Variants in TRIOBP observed in about 807,000 individuals in gnomAD.
TRIOBP encodes the protein TRIO and F-actin-binding protein.
In TRIOBP, 169 loss-of-function variants were observed where a neutral mutation model predicts 238.8. The ratio of observed to expected loss-of-function variants is 0.71; its 90% confidence interval spans 0.62 to 0.80. The LOEUF (loss-of-function observed/expected upper bound fraction) is 0.80, where lower values mean the gene tolerates loss of function less well. TRIOBP is among the 30% of genes least tolerant of loss of function. The pLI is 0.00. For missense variants in TRIOBP, 2,838 were observed against 3,122.6 expected, an observed-to-expected ratio of 0.91 and a Z score of 2.17; for synonymous variants, 1,150 against 1,274.4, an observed-to-expected ratio of 0.90 and a Z score of 2.08.
chr22:37,722,312 C>G (rs945352773), intron 6 of TRIOBP, among the ~76,000 whole-genome samples: 2 of 151,754 alleles, frequency 1.3e-5, no homozygotes, highest in Non-Finnish European at 2.9e-5. Flanking sequence ...CCTGTAATCC[C>G]AACTACTTGG....
At chr22:37,699,073 G>A (rs960921468) in intron 2 of TRIOBP, among the ~76,000 whole-genome samples, 7 of 151,940 alleles carry the variant, frequency 4.6e-5, no homozygotes, top group South Asian at 2.1e-4. Flanking sequence ...CCCAGGAGGC[G>A]GAGGTTGCAG....
At chr22:37,763,686 C>T (rs1170221938) in intron 17 of TRIOBP, among the ~76,000 whole-genome samples, 3 of 152,334 alleles carry the variant, frequency 2.0e-5, no homozygotes, top group East Asian at 1.9e-4. Flanking sequence ...AACACCCTCA[C>T]ACTCCTTCTG....
rs562026150 is a variant in TRIOBP, at chr22:37,771,605, G to A, written c.6850-45G>A. The A allele has an allele frequency of 4.5e-6, 7 of 1,567,862 alleles. No homozygotes were observed. In the South Asian group the frequency reaches 7.8e-5, roughly 17 times the overall value. On this transcript the variant is annotated intron_variant, in intron 21 of 23. Transcript: ENST00000644935. ...CTGCAGGGCACTATGGGCCAGGGTAGCTCTGGCTTCTGGCCCTGGGTCAGT... is the reference window on the plus strand; with the variant it reads ...CTGCAGGGCACTATGGGCCAGGGTAACTCTGGCTTCTGGCCCTGGGTCAGT...
At position 37,713,368 on chromosome 22, in the gene TRIOBP, C is replaced by A. The variant is rs914842730; in HGVS notation, c.413C>A (p.Pro138His). 1 of 1,613,896 alleles carries A rather than the reference C, an allele frequency of 6.2e-7. No individual in the cohort carries two copies. Residue 138 changes from proline to histidine, a missense_variant, in exon 5 of 24, where the codon CCT becomes CAT. By Grantham distance (77) the Pro-to-His change is moderately conservative (BLOSUM62 -2). Transcript: ENST00000644935. The stretch of plus-strand genomic sequence containing the variant: ...CCCGGCTCTGACCCCACCTCCAGCC[C>A]TGACTCCGCCACCCCTGATGATACC... ...EDPGSDPTSS[P>H]DSATPDDTSN...
chr22:37,715,711 C>T, intron 5 of TRIOBP, 52 bp from the exon 6 acceptor site: 1 of 1,590,012 alleles, frequency 6.3e-7, no homozygotes, highest in East Asian at 2.2e-5. Context: ...AGTATATGTC[C>T]TGCAGCCTTT....
intron 11 of TRIOBP, among the ~76,000 whole-genome samples, chr22:37,742,737 G>A (rs1177032747): frequency 2.6e-5 from 4 of 152,178 alleles, no homozygotes; most frequent in Non-Finnish European, 2.9e-5. Flanking sequence ...TTGGTAGAGC[G>A]AAGGAGGAGC....
chr22:37,753,380 T>C (rs1049042069), intron 12 of TRIOBP, among the ~76,000 whole-genome samples: 3 of 152,210 alleles, frequency 2.0e-5, no homozygotes, highest in African/African-American at 4.8e-5. Flanking sequence ...GTTCAAGCGA[T>C]TCTCCTGCCT....
chr22:37,767,358 G>A (rs1332837041), intron 18 of TRIOBP, among the ~76,000 whole-genome samples: 4 of 151,922 alleles, frequency 2.6e-5, no homozygotes, highest in South Asian at 2.1e-4. Flanking sequence ...CAGAAGTTTC[G>A]GATTTTAGAA....
In TRIOBP at chr22:37,728,261, CAAAAAAAA is replaced by C. The variant is rs67412135; in HGVS notation, c.3947+1774_3947+1781del. On this transcript the variant is annotated intron_variant, in intron 7 of 23. Coordinates refer to ENST00000644935, the MANE Select transcript of TRIOBP (RefSeq NM_001039141.3). ...TGGGTGACAGAGTGAGACTCCGTCT[CAAAAAAAA>C]AAAAAAAAAAAAAAATTAGCCGGGC... is the stretch of plus-strand genomic sequence containing the variant. 3.3e-4 allele frequency among the ~76,000 whole-genome samples: 26 copies of C among 77,986 alleles called. 2 individuals are homozygous for C. In the East Asian group the frequency reaches 9.8e-3, roughly 29 times the overall value. The allele number at this position is 77,986 out of a possible 152,430, so 51.2% of individuals were successfully genotyped here.
At chr22:37,732,244 C>T (rs865858594) in intron 7 of TRIOBP, among the ~76,000 whole-genome samples, 1 of 150,596 alleles carries the variant, frequency 6.6e-6, no homozygotes, top group Non-Finnish European at 1.5e-5. Context: ...AGCCATGCCT[C>T]CCAGTTAGTA....
At chr22:37,751,420 GCT>G (rs1925598344) in intron 11 of TRIOBP, 1 of 389,708 alleles carries the variant, frequency 2.6e-6, no homozygotes, top group Non-Finnish European at 4.9e-6. Flanking sequence ...TGCCCTCTGA[GCT>G]CTCAGGGGGT....
chr22:37,769,136 C>T lies in TRIOBP; in HGVS notation c.6684C>T (p.His2228=), dbSNP rs772788696. 4 of 1,612,572 alleles carry T rather than the reference C, an allele frequency of 2.5e-6. No homozygotes were observed. The highest frequency in any genetic ancestry group is 2.5e-6 in the Non-Finnish European group (3 of 1,179,798). Residue 2228 remains histidine (H), a synonymous_variant, in exon 20 of 24, where the codon CAC becomes CAT. Coordinates refer to ENST00000644935, the MANE Select transcript of TRIOBP (RefSeq NM_001039141.3). ...TGCGGCAGGCTGAGGAGCGCGAGCA[C>T]ACGCTGCGCCGCTGCCAGCAGGAGG... ...ALMRQAEERE[H]TLRRCQQEGQ... is the part of the protein sequence containing the mutation.
intron 3 of TRIOBP, among the ~76,000 whole-genome samples, chr22:37,707,332 G>GCCTCTTCCAC (rs1357317863): frequency 1.2e-4 from 19 of 152,086 alleles, no homozygotes; most frequent in Non-Finnish European, 2.9e-5. Flanking sequence ...GCCTCTTCCA[G>GCCTCTTCCAC]CCTCTTCCAC....
intron 11 of TRIOBP, among the ~76,000 whole-genome samples, chr22:37,749,205 A>T (rs1293070626): frequency 1.3e-5 from 2 of 152,082 alleles, no homozygotes; most frequent in African/African-American, 4.8e-5. Flanking sequence ...AAATAAAAAA[A>T]TTTGCTGGAC....
Position 37,718,843 on chromosome 22 carries a change from G to GTTT in TRIOBP, c.628+2928_628+2930dup, listed in dbSNP as rs71195044. On this transcript the variant is annotated intron_variant, in intron 6 of 23. Transcript: ENST00000644935. ...GGCATTACTGGGACAACTGGGGCTTGTTTTTTTTTTTTTTTTTTTTTGAGA... is the reference window on the plus strand; with the variant it reads ...GGCATTACTGGGACAACTGGGGCTTGTTTTTTTTTTTTTTTTTTTTTTTTGAGA... 1.1e-3 allele frequency among the ~76,000 whole-genome samples: 112 copies of GTTT among 103,346 alleles called. 2 individuals are homozygous for GTTT. Among genetic ancestry groups the GTTT allele is most frequent in the African/African-American group, 2.9e-3 (82 of 28,316 alleles). The allele number at this position is 103,346 out of a possible 152,430, so 67.8% of individuals were successfully genotyped here. A position where few individuals can be genotyped will look rare whatever the true frequency, so the allele number is the denominator to read the frequency against.
Position 37,725,527 on chromosome 22 carries a change from A to G in TRIOBP, c.2971A>G (p.Thr991Ala). The G allele has an allele frequency of 6.2e-7, 1 of 1,613,216 alleles. No homozygotes were observed. The highest frequency in any genetic ancestry group is 8.5e-7 in the Non-Finnish European group (1 of 1,179,860). ...HNPGHQSTSRTSSPVYPAAYG... is the reference protein window; with the variant it reads ...HNPGHQSTSRASSPVYPAAYG... ...CCCAGGCCACCAGAGCACCTCCCGA[A>G]CTTCCTCACCTGTGTACCCCGCTGC... Residue 991 changes from threonine to alanine, a missense_variant, in exon 7 of 24, where the codon ACT becomes GCT. Coordinates refer to ENST00000644935, the MANE Select transcript of TRIOBP (RefSeq NM_001039141.3).
intron 3 of TRIOBP, among the ~76,000 whole-genome samples, chr22:37,708,718 G>A (rs1923082569): frequency 6.6e-6 from 1 of 152,232 alleles, no homozygotes; most frequent in Middle Eastern, 3.2e-3. Context: ...TCCGAGAGGA[G>A]AAAACAATGC....
intron 15 of TRIOBP, among the ~76,000 whole-genome samples, chr22:37,756,479 T>C (rs1925926493): frequency 6.6e-6 from 1 of 152,214 alleles, no homozygotes; most frequent in African/African-American, 2.4e-5. Context: ...GTCATGTCTG[T>C]ACATGTGCCA....
intron 22 of TRIOBP, 147 bp from the exon 23 acceptor site, chr22:37,772,454 A>G (rs1926831287): frequency 5.5e-6 from 6 of 1,096,600 alleles, no homozygotes; most frequent in Non-Finnish European, 8.1e-6. Flanking sequence ...GGGTAAGCCC[A>G]GAACCCACGG....
Sources: allele counts gnomAD v4.1 joint callset (sites outside exome capture counted in the v4.1 genomes callset), GRCh38; gene constraint gnomAD v4.1.1; transcripts MANE v1.5; gene names NCBI Gene and HGNC (gene_info 2026-07-23, HGNC 2026-07-21).